CCDC171: variants seen among roughly 807,000 people sequenced by gnomAD.
CCDC171 encodes coiled-coil domain containing 171.
A neutral mutation model predicts 168.2 loss-of-function variants in CCDC171; 177 were observed. That is an observed-to-expected ratio of 1.05 (90% CI 0.93 to 1.19). The LOEUF (loss-of-function observed/expected upper bound fraction) is 1.19, where lower values mean the gene tolerates loss of function less well. Among genes scored for constraint, CCDC171 ranks in the 50% most tolerant of loss-of-function variants. CCDC171 has a pLI of 0.00. For missense variants in CCDC171, 1,991 were observed against 1,539.0 expected (o/e 1.29, Z -4.91); for synonymous variants, 687 against 540.8 (o/e 1.27, Z -3.75).
chr9:15,737,814 G>C (rs543325217), intron 16 of CCDC171, among the ~76,000 whole-genome samples: 1 of 152,072 alleles, frequency 6.6e-6, no homozygotes, highest in East Asian at 1.9e-4. Context: ...TAGATAATAG[G>C]ATTGCTAGAT....
At chr9:15,620,868 C>T (rs1210805343) in intron 6 of CCDC171, among the ~76,000 whole-genome samples, 2 of 152,176 alleles carry the variant, frequency 1.3e-5, no homozygotes, top group Non-Finnish European at 2.9e-5. Flanking sequence ...CAGTCATCAA[C>T]AAACATTGAG....
chr9:15,599,929 G>C (rs575545313), intron 6 of CCDC171, among the ~76,000 whole-genome samples: 1 of 152,040 alleles, frequency 6.6e-6, no homozygotes, highest in Non-Finnish European at 1.5e-5. Context: ...CTTTCTTCCA[G>C]TTGATCGAAT....
At chr9:15,944,527 T>C (rs931441314) in intron 25 of CCDC171, among the ~76,000 whole-genome samples, 10 of 152,120 alleles carry the variant, frequency 6.6e-5, no homozygotes, top group Admixed American at 5.2e-4. Context: ...AACACTCTTA[T>C]GGGGATATAT....
At chr9:15,625,819 T>A (rs1416826093) in intron 7 of CCDC171, among the ~76,000 whole-genome samples, 2 of 152,236 alleles carry the variant, frequency 1.3e-5, no homozygotes, top group Non-Finnish European at 2.9e-5. Context: ...TGGTTTCATA[T>A]GAAATTTAAA....
chr9:15,972,480 G>C lies in CCDC171; in HGVS notation c.*644G>C, dbSNP rs1831448214. 6.6e-6 allele frequency: 1 copy of C among 152,282 alleles called. No homozygotes were observed. The highest frequency in any genetic ancestry group is 1.5e-5 in the Non-Finnish European group (1 of 68,104). 9.4% of individuals were successfully genotyped at this position (152,282 alleles called of 1,614,324 possible). On this transcript the variant is annotated 3_prime_UTR_variant, in exon 26 of 26. Transcript: ENST00000380701. ...ATTTGAACAAGTTAAGTTAACTGCT[G>C]AATCTGGTCCCTGAAGGCACTGAAA...
chr9:15,893,325 A>G (rs1285601827), intron 24 of CCDC171, among the ~76,000 whole-genome samples: 1 of 151,920 alleles, frequency 6.6e-6, no homozygotes, highest in African/African-American at 2.4e-5. Context: ...CAAAACTATA[A>G]AAACCTTAGA....
At chr9:16,003,817 A>T (rs1034012063) in intron 3 of CCDC171, among the ~76,000 whole-genome samples, 1 of 152,224 alleles carries the variant, frequency 6.6e-6, no homozygotes, top group African/African-American at 2.4e-5. Flanking sequence ...CTTAACTGCA[A>T]AGTATCCCTT....
chr9:15,804,199 C>G (rs776849954), intron 21 of CCDC171, among the ~76,000 whole-genome samples: 7 of 150,836 alleles, frequency 4.6e-5, no homozygotes, highest in Non-Finnish European at 7.4e-5. Flanking sequence ...GACTTCCTCT[C>G]TTTCTATTTC....
At chr9:16,057,291 T>C in intron 1 of CCDC171, among the ~76,000 whole-genome samples, 1 of 152,224 alleles carries the variant, frequency 6.6e-6, no homozygotes, top group Non-Finnish European at 1.5e-5. Flanking sequence ...TCAAAGCCTC[T>C]TAGTTCTTGA....
rs1010272910 is a variant in CCDC171, at chr9:15,711,205, G to A, written c.1319-10564G>A. On this transcript the variant is annotated intron_variant, in intron 11 of 25. Coordinates refer to ENST00000380701, the MANE Select transcript of CCDC171 (RefSeq NM_173550.4). ...TTAAATATGAATACGAATAATCACT[G>A]TTAAATAAATTTTACTATCCACAGA... Among the ~76,000 whole-genome samples the A allele has an allele frequency of 3.3e-5, 5 of 152,134 alleles. No homozygotes were observed. In the East Asian group the frequency reaches 9.6e-4, roughly 29 times the overall value.
chr9:15,727,989 G>A lies in CCDC171; in HGVS notation c.1813G>A (p.Glu605Lys), dbSNP rs766143226. The change falls in exon 15 of 26, where the codon GAG becomes AAG. Residue 605 changes from glutamate to lysine, a missense_variant. Physicochemically the swap from Glu to Lys is moderately conservative, Grantham distance 56. Transcript: ENST00000380701. The part of the protein sequence containing the change: ...SWSELCAVLQ[E>K]NVDALIADLN... ...GTCTGAGCTTTGTGCAGTCTTACAGGAGAATGTTGATGCCCTGATTGCAGA... is the reference window on the plus strand; with the variant it reads ...GTCTGAGCTTTGTGCAGTCTTACAGAAGAATGTTGATGCCCTGATTGCAGA... 6.2e-7 allele frequency: 1 copy of A among 1,613,076 alleles called. No individual in the cohort carries two copies. Among genetic ancestry groups the A allele is most frequent in the Non-Finnish European group, 8.5e-7 (1 of 1,179,524 alleles).
chr9:15,589,409 C>G (rs574063315), intron 4 of CCDC171, among the ~76,000 whole-genome samples: 1 of 152,278 alleles, frequency 6.6e-6, no homozygotes, highest in East Asian at 1.9e-4. Flanking sequence ...CCTTCTGTTT[C>G]TAGATTGTAG....
Position 15,657,408 on chromosome 9 carries a change from A to G in CCDC171, c.915+189A>G, listed in dbSNP as rs142501487. 1.6e-5 allele frequency: 7 copies of G among 432,098 alleles called. No homozygotes were observed. In the East Asian group the frequency reaches 2.4e-4, roughly 15 times the overall value. 26.8% of individuals were successfully genotyped at this position (432,098 alleles called of 1,614,324 possible). ...GCTACCTTAGTGGAGGAGTTGGCAC[A>G]CTATAGCCTACAGGCCAGGTCTCAC... On this transcript the variant is annotated intron_variant, in intron 8 of 25. Coordinates refer to ENST00000380701, the MANE Select transcript of CCDC171 (RefSeq NM_173550.4).
intron 1 of CCDC171, among the ~76,000 whole-genome samples, chr9:16,055,986 A>G (rs997801891): frequency 6.6e-6 from 1 of 152,226 alleles, no homozygotes; most frequent in Admixed American, 6.5e-5. Flanking sequence ...GCAGCCATTT[A>G]TGTTTCTGAG....
chr9:15,891,572 T>G (rs1426010096), intron 24 of CCDC171, among the ~76,000 whole-genome samples: 2 of 152,188 alleles, frequency 1.3e-5, no homozygotes, highest in African/African-American at 4.8e-5. Context: ...ATAATTGAGA[T>G]AGAAAGTGCC....
At chr9:15,628,898 G>A (rs1299533992) in intron 7 of CCDC171, among the ~76,000 whole-genome samples, 12 of 152,182 alleles carry the variant, frequency 7.9e-5, no homozygotes, top group South Asian at 2.1e-4. Flanking sequence ...TGCAGCCACC[G>A]CTGCTGGTAC....
intron 25 of CCDC171, among the ~76,000 whole-genome samples, chr9:15,926,275 T>G (rs1192446610): frequency 6.6e-6 from 1 of 151,628 alleles, no homozygotes; most frequent in East Asian, 1.9e-4. Context: ...AAATTATCAT[T>G]TTGTATAATA....
intron 3 of CCDC171, among the ~76,000 whole-genome samples, chr9:15,991,404 A>G (rs1035730391): frequency 1.9e-4 from 28 of 148,816 alleles, no homozygotes; most frequent in Admixed American, 1.5e-3. Flanking sequence ...ACAACGTACC[A>G]GAATCTCTGG....
intron 2 of CCDC171, among the ~76,000 whole-genome samples, 166 bp from the exon 3 acceptor site, chr9:15,571,458 A>G (rs571556557): frequency 1.3e-5 from 2 of 152,304 alleles, no homozygotes; most frequent in South Asian, 4.1e-4. Context: ...TTGTATTTCT[A>G]CATAGCTTTT....
Sources: allele counts gnomAD v4.1 joint callset (sites outside exome capture counted in the v4.1 genomes callset), GRCh38; gene constraint gnomAD v4.1.1; transcripts MANE v1.5; gene names NCBI Gene and HGNC (gene_info 2026-07-23, HGNC 2026-07-21).